The following DPP6 variants were observed in gnomAD, a reference collection of about 807,000 sequenced individuals.
DPP6 encodes dipeptidyl peptidase like 6.
Under a neutral mutation model 122.6 loss-of-function variants are expected in DPP6, and 69 were observed. That is an observed-to-expected ratio of 0.56 (90% CI 0.46 to 0.69). The LOEUF (loss-of-function observed/expected upper bound fraction) is 0.69, where lower values mean the gene tolerates loss of function less well. Among genes scored for constraint, DPP6 ranks in the 30% least tolerant of loss-of-function variants. The pLI is 0.00. For synonymous variants in DPP6, 418 were observed against 433.1 expected (o/e 0.97, Z 0.43); for missense variants, 928 against 1,116.9 (o/e 0.83, Z 2.41).
intron 1 of DPP6, among the ~76,000 whole-genome samples, chr7:154,309,250 C>CCAA (rs1404000525): frequency 6.6e-6 from 1 of 152,190 alleles, no homozygotes; most frequent in Non-Finnish European, 1.5e-5. Flanking sequence ...TCTCATCACA[C>CCAA]CTTGTATATG....
chr7:153,913,827 A>G (rs1003380819), intron 1 of DPP6, among the ~76,000 whole-genome samples: 6 of 152,204 alleles, frequency 3.9e-5, no homozygotes, highest in African/African-American at 7.2e-5. Flanking sequence ...AAGGGGGGGA[A>G]GAGGGCTTGG....
At chr7:153,762,573 C>A in the DPP6 span, among the ~76,000 whole-genome samples, 1 of 151,774 alleles carries the variant, frequency 6.6e-6, no homozygotes, top group Non-Finnish European at 1.5e-5. Context: ...GAATTCGAGA[C>A]CAGCCTGACC....
intron 1 of DPP6, among the ~76,000 whole-genome samples, chr7:154,154,129 A>G (rs73481390): frequency 0.014 from 2,173 of 152,330 alleles, 21 homozygotes; most frequent in African/African-American, 0.049. Flanking sequence ...TGCCATTGCC[A>G]TATTGATTGG....
chr7:154,083,714 T>A (rs1487903749), intron 1 of DPP6, among the ~76,000 whole-genome samples: 1 of 148,700 alleles, frequency 6.7e-6, no homozygotes, highest in East Asian at 2.0e-4. Flanking sequence ...GCCCAAGGCA[T>A]CTTCCTATGA....
chr7:153,963,549 A>G (rs868417173), intron 1 of DPP6, among the ~76,000 whole-genome samples: 16 of 151,032 alleles, frequency 1.1e-4, no homozygotes, highest in South Asian at 8.4e-4. Context: ...CTGTGAATCA[A>G]TATGTGTCTA....
At chr7:154,377,789 C>T (rs1813255380) in intron 1 of DPP6, among the ~76,000 whole-genome samples, 1 of 152,162 alleles carries the variant, frequency 6.6e-6, no homozygotes, top group South Asian at 2.1e-4. Flanking sequence ...CCTCAGTTAG[C>T]TCTTCATAGC....
At chr7:153,990,095 C>A (rs1001697287) in intron 1 of DPP6, among the ~76,000 whole-genome samples, 2 of 118,404 alleles carry the variant, frequency 1.7e-5, no homozygotes, top group Admixed American at 8.7e-5. Flanking sequence ...CTTCTAAGCC[C>A]CACCCTCAGG....
At chr7:153,963,409 C>T (rs1795463070) in intron 1 of DPP6, among the ~76,000 whole-genome samples, 1 of 147,164 alleles carries the variant, frequency 6.8e-6, no homozygotes. Flanking sequence ...GGAGAAGGTG[C>T]CCAGGTTGTC....
intron 1 of DPP6, among the ~76,000 whole-genome samples, chr7:154,184,771 T>A (rs1798271314): frequency 6.6e-6 from 1 of 151,830 alleles, no homozygotes; most frequent in Non-Finnish European, 1.5e-5. Flanking sequence ...GGAGGTTCAG[T>A]CGTGCCTGTT....
intron 1 of DPP6, among the ~76,000 whole-genome samples, chr7:154,013,591 A>G (rs1399398700): frequency 6.6e-6 from 1 of 151,720 alleles, no homozygotes; most frequent in Non-Finnish European, 1.5e-5. Context: ...TCAGATGATA[A>G]TGTTTAGAAA....
chr7:154,246,467 G>C lies in DPP6; in HGVS notation c.243+193404G>C, dbSNP rs1459800957. ...ATATTATCAAGATATCAGTTCTCCA[G>C]CAATTGATTTATGGGATTAATACAA... On this transcript the variant is annotated intron_variant, in intron 1 of 25. Coordinates refer to ENST00000377770, the MANE Select transcript of DPP6 (RefSeq NM_130797.4). Among the ~76,000 whole-genome samples the C allele has an allele frequency of 3.3e-5, 5 of 152,140 alleles. No homozygotes were observed. The East Asian group carries it at 9.6e-4, about 29-fold the overall frequency.
At chr7:154,804,241 G>A (rs969683625) in intron 14 of DPP6, among the ~76,000 whole-genome samples, 23 of 152,238 alleles carry the variant, frequency 1.5e-4, no homozygotes, top group Non-Finnish European at 2.9e-4. Context: ...TGTTGATTGA[G>A]TTTTTACTAG....
At chr7:154,460,518 A>G (rs1290118052) in intron 2 of DPP6, among the ~76,000 whole-genome samples, 1 of 152,172 alleles carries the variant, frequency 6.6e-6, no homozygotes, top group East Asian at 1.9e-4. Flanking sequence ...TTGACTTGTC[A>G]CTAGATAATA....
intron 10 of DPP6, among the ~76,000 whole-genome samples, chr7:154,776,571 G>A (rs1796585918): frequency 1.3e-5 from 2 of 152,132 alleles, no homozygotes; most frequent in South Asian, 4.1e-4. Flanking sequence ...TTGAGGCAGG[G>A]ACGTTAGTTC....
At chr7:154,170,274 G>T (rs956435114) in intron 1 of DPP6, among the ~76,000 whole-genome samples, 43 of 152,130 alleles carry the variant, frequency 2.8e-4, no homozygotes, top group African/African-American at 9.9e-4. Context: ...ACCATTGCCC[G>T]AGGAGGTCTT....
At chr7:154,473,034 TGAGGCACATAGATACCTTAA>T (rs1169615955) in intron 2 of DPP6, among the ~76,000 whole-genome samples, 1 of 152,226 alleles carries the variant, frequency 6.6e-6, no homozygotes, top group East Asian at 1.9e-4. Context: ...TTTTTTCTTA[TGAGGCACATAGATACCTTAA>T]GTTGCATGGC....
intron 7 of DPP6, among the ~76,000 whole-genome samples, chr7:154,676,103 C>T (rs1234094259): frequency 6.8e-6 from 1 of 147,050 alleles, no homozygotes; most frequent in Non-Finnish European, 1.5e-5. Flanking sequence ...ACAGGTGTTC[C>T]GGGCTACAGC....
At chr7:154,754,827 G>T (rs1206096143) in intron 8 of DPP6, among the ~76,000 whole-genome samples, 2 of 152,146 alleles carry the variant, frequency 1.3e-5, no homozygotes, top group South Asian at 4.1e-4. Flanking sequence ...TCCTTTGCAG[G>T]GACATGGATG....
chr7:154,254,545 A>G (rs1039900682), intron 1 of DPP6, among the ~76,000 whole-genome samples: 4 of 152,120 alleles, frequency 2.6e-5, no homozygotes, highest in African/African-American at 9.7e-5. Context: ...GAGATGCACA[A>G]TCTTAATTAC....
Sources: gnomAD v4.1 joint callset for allele counts (sites outside exome capture counted in the v4.1 genomes callset) on GRCh38, gnomAD v4.1.1 for gene constraint, MANE v1.5 for transcripts, NCBI Gene and HGNC (gene_info 2026-07-23, HGNC 2026-07-21) for gene names.